Variants in ELF1 observed in about 807,000 individuals in gnomAD.
ELF1 encodes the protein E74 like ETS transcription factor 1.
ELF1 carries 24 observed loss-of-function variants against 59.9 expected under a neutral mutation model. The observed-to-expected ratio is 0.40, with a 90% CI of 0.29 to 0.56. ELF1 has a LOEUF of 0.56. Ranked by LOEUF, ELF1 falls within the 20% of genes least tolerant of loss-of-function variation. ELF1 has a pLI of 0.44. For missense variants in ELF1, 627 were observed against 742.2 expected (o/e 0.84, Z 1.80); for synonymous variants, 248 against 266.2 (o/e 0.93, Z 0.67).
intron 1 of ELF1, among the ~76,000 whole-genome samples, chr13:41,018,545 T>C (rs1015479679): frequency 6.6e-5 from 10 of 152,212 alleles, no homozygotes; most frequent in South Asian, 2.1e-4. Flanking sequence ...TAATAGTAAA[T>C]GAATCATTCT....
At chr13:41,034,453 A>C (rs140399391) in intron 1 of ELF1, among the ~76,000 whole-genome samples, 237 of 152,360 alleles carry the variant, frequency 1.6e-3, no homozygotes, top group African/African-American at 5.2e-3. Context: ...ACTCTTTTCT[A>C]AACTTAAGAT....
chr13:40,996,315 C>A (rs1347089999), intron 1 of ELF1, among the ~76,000 whole-genome samples: 1 of 152,176 alleles, frequency 6.6e-6, no homozygotes, highest in Non-Finnish European at 1.5e-5. Context: ...TTGGTATTTA[C>A]CCAAAGGAAG....
At chr13:40,945,886 C>T (rs969732558) in intron 5 of ELF1, among the ~76,000 whole-genome samples, 1 of 152,172 alleles carries the variant, frequency 6.6e-6, no homozygotes, top group Non-Finnish European at 1.5e-5. Flanking sequence ...CTCTGTCGCT[C>T]AGGCTGGAAT....
chr13:40,979,067 C>G (rs186413623), intron 2 of ELF1, among the ~76,000 whole-genome samples: 1 of 151,880 alleles, frequency 6.6e-6, no homozygotes, highest in Non-Finnish European at 1.5e-5. Flanking sequence ...AGTAGTCCCT[C>G]TTTATGTCCA....
rs1869457122 is a variant in ELF1 at position 40,932,245 on chromosome 13, T to C, written c.*1180A>G. The C allele has an allele frequency of 6.6e-6, 1 of 152,224 alleles. No homozygotes were observed. The highest frequency in any genetic ancestry group is 2.1e-4 in the South Asian group (1 of 4,838). 9.4% of individuals were successfully genotyped at this position (152,224 alleles called of 1,614,324 possible). On this transcript the variant is annotated 3_prime_UTR_variant, in exon 9 of 9. Coordinates refer to ENST00000239882, the MANE Select transcript of ELF1 (RefSeq NM_172373.4). ...CATTTTTTTCTTGTGACATTAAATG[T>C]ACATTATTTACAGTTGAAAAAGTAA... is the stretch of plus-strand genomic sequence containing the variant.
exon 1 of ELF1, chr13:41,061,228 G>T (rs757944196): frequency 4.3e-6 from 1 of 234,022 alleles, no homozygotes; most frequent in Non-Finnish European, 8.7e-6. Flanking sequence ...TTGCGTTCCG[G>T]GCGGAGGCGG....
chr13:41,014,849 C>T (rs528276769), intron 1 of ELF1, among the ~76,000 whole-genome samples: 2 of 152,014 alleles, frequency 1.3e-5, no homozygotes, highest in East Asian at 3.9e-4. Context: ...TAGGCAAAAC[C>T]TACAAATATG....
chr13:40,940,395 A>G (rs1870063978), intron 8 of ELF1, among the ~76,000 whole-genome samples: 1 of 35,926 alleles, frequency 2.8e-5, no homozygotes, highest in East Asian at 2.9e-4. Flanking sequence ...TGAAAAAAAA[A>G]AAAAAAAAAA....
At chr13:40,980,840 T>C (rs912846312) in intron 2 of ELF1, among the ~76,000 whole-genome samples, 1 of 152,172 alleles carries the variant, frequency 6.6e-6, no homozygotes, top group Non-Finnish European at 1.5e-5. Context: ...ATTAAATCCA[T>C]ATCACTATTA....
At chr13:41,027,371 TC>T (rs1875980958) in intron 1 of ELF1, among the ~76,000 whole-genome samples, 1 of 152,208 alleles carries the variant, frequency 6.6e-6, no homozygotes, top group Non-Finnish European at 1.5e-5. Context: ...TCAGCCATTT[TC>T]CCCAGCCACC....
chr13:41,025,571 T>A (rs867663396), intron 1 of ELF1, among the ~76,000 whole-genome samples: 1 of 152,216 alleles, frequency 6.6e-6, no homozygotes, highest in African/African-American at 2.4e-5. Context: ...AAAATAGAGA[T>A]AAGAGGTCTG....
intron 1 of ELF1, among the ~76,000 whole-genome samples, chr13:41,026,137 T>C (rs1034626564): frequency 1.3e-5 from 2 of 152,206 alleles, no homozygotes; most frequent in African/African-American, 2.4e-5. Context: ...ACTCTAGGCT[T>C]AATGATAACA....
At chr13:41,009,526 C>A (rs1018237942) in intron 1 of ELF1, among the ~76,000 whole-genome samples, 2 of 152,166 alleles carry the variant, frequency 1.3e-5, no homozygotes, top group Non-Finnish European at 2.9e-5. Flanking sequence ...TCATTTGCAA[C>A]AACCCACAAT....
At position 41,024,672 on chromosome 13, in the gene ELF1, T is replaced by C. The variant is rs189435716; in HGVS notation, c.-229+36166A>G. 2.8e-3 allele frequency among the ~76,000 whole-genome samples: 431 copies of C among 152,218 alleles called. 4 individuals are homozygous for C. The highest frequency in any genetic ancestry group is 6.8e-3 in the Middle Eastern group (2 of 294). ...GATTACAGGCATGAACAACCACACA[T>C]GGCCACCATTGCTGTGTTTCTATGT... On this transcript the variant is annotated intron_variant, in intron 1 of 1. Coordinates refer to the ELF1 transcript ENST00000405737.
At position 41,033,898 on chromosome 13, in the gene ELF1, G is replaced by A. The variant is rs555158337; in HGVS notation, c.-229+26940C>T. On this transcript the variant is annotated intron_variant, in intron 1 of 1. Transcript: ENST00000405737. ...CAGATCAGTGGTTGCCAGGGATACAGATTTTGGGGAGGGTGTGACTATTGA... is the reference window on the plus strand; with the variant it reads ...CAGATCAGTGGTTGCCAGGGATACAAATTTTGGGGAGGGTGTGACTATTGA... 7.2e-5 allele frequency among the ~76,000 whole-genome samples: 11 copies of A among 152,310 alleles called. No homozygotes were observed. The East Asian group carries it at 2.1e-3, about 29-fold the overall frequency.
At chr13:40,988,954 C>T (rs1204533305) in intron 1 of ELF1, among the ~76,000 whole-genome samples, 1 of 152,074 alleles carries the variant, frequency 6.6e-6, no homozygotes, top group East Asian at 1.9e-4. Flanking sequence ...TGCACCACCA[C>T]GTCTGACTGA....
intron 1 of ELF1, among the ~76,000 whole-genome samples, chr13:41,060,459 A>G (rs1453117932): frequency 1.3e-5 from 2 of 151,950 alleles, no homozygotes. Context: ...GGGGCGGGGG[A>G]GCAGCCCAGG....
chr13:40,965,315 C>A (rs965634410), intron 2 of ELF1, among the ~76,000 whole-genome samples: 1 of 152,104 alleles, frequency 6.6e-6, no homozygotes, highest in Non-Finnish European at 1.5e-5. Flanking sequence ...TAAGATGTTA[C>A]CTACTTTTAA....
chr13:41,029,779 G>A (rs1410457327), intron 1 of ELF1, among the ~76,000 whole-genome samples: 2 of 152,196 alleles, frequency 1.3e-5, no homozygotes, highest in Non-Finnish European at 2.9e-5. Flanking sequence ...ATAGAAAGGT[G>A]AATTCTCTCT....
Sources: allele counts gnomAD v4.1 joint callset (sites outside exome capture counted in the v4.1 genomes callset), GRCh38; gene constraint gnomAD v4.1.1; transcripts MANE v1.5; gene names NCBI Gene and HGNC (gene_info 2026-07-23, HGNC 2026-07-21).